PLEKHA7: variants seen among roughly 807,000 people sequenced by gnomAD.
PLEKHA7 encodes pleckstrin homology domain-containing family A member 7.
PLEKHA7 carries 104 observed loss-of-function variants against 170.0 expected under a neutral mutation model. The ratio of observed to expected loss-of-function variants is 0.61; its 90% confidence interval spans 0.52 to 0.72. The LOEUF is 0.72. PLEKHA7 is among the 30% of genes least tolerant of loss of function. PLEKHA7 has a pLI of 0.00. For missense variants in PLEKHA7, 1,615 were observed against 1,671.7 expected, an observed-to-expected ratio of 0.97 and a Z score of 0.59; for synonymous variants, 648 against 660.8, an observed-to-expected ratio of 0.98 and a Z score of 0.30.
At chr11:16,879,728 C>T (rs1264670958) in intron 3 of PLEKHA7, among the ~76,000 whole-genome samples, 1 of 152,226 alleles carries the variant, frequency 6.6e-6, no homozygotes, top group African/African-American at 2.4e-5. Context: ...AAAGCCCTCA[C>T]AACTTGCAAA....
Position 16,826,209 on chromosome 11 carries a change from G to A in PLEKHA7, c.1254C>T (p.Pro418=), listed in dbSNP as rs755928897. 2 of 1,614,198 alleles carry A rather than the reference G, an allele frequency of 1.2e-6. No homozygotes were observed. Among genetic ancestry groups the A allele is most frequent in the South Asian group, 1.1e-5 (1 of 91,072 alleles). Residue 418 remains proline (P), a synonymous_variant, in exon 10 of 27, where the codon CCC becomes CCT. Coordinates refer to ENST00000531066, the MANE Select transcript of PLEKHA7 (RefSeq NM_001329630.2). ...GGCTGTGTTTTTCAGGGTTGGTCCT[G>A]GGAGGAAAGGCCCGCTGGTACCCAC... ...GTGGYQRAFP[P]RTNPEKHSQR...
At chr11:16,998,256 C>T (rs1864457735) in intron 3 of PLEKHA7, among the ~76,000 whole-genome samples, 1 of 152,118 alleles carries the variant, frequency 6.6e-6, no homozygotes, top group Non-Finnish European at 1.5e-5. Flanking sequence ...CCCCTCAGCT[C>T]ACTAGCACCC....
At chr11:16,807,309 T>C (rs1412491984) in intron 13 of PLEKHA7, 2 of 517,932 alleles carry the variant, frequency 3.9e-6, no homozygotes, top group South Asian at 8.4e-5. Context: ...TTTGGGGAAC[T>C]GGCAAAGGGA....
chr11:16,929,354 T>A (rs1279226330), intron 3 of PLEKHA7, among the ~76,000 whole-genome samples: 1 of 152,370 alleles, frequency 6.6e-6, no homozygotes, highest in African/African-American at 2.4e-5. Flanking sequence ...GAAGCAGCCA[T>A]GACCATCAGC....
intron 3 of PLEKHA7, among the ~76,000 whole-genome samples, chr11:16,999,272 C>T (rs979286388): frequency 6.6e-6 from 1 of 151,850 alleles, no homozygotes; most frequent in African/African-American, 2.4e-5. Context: ...AGCTTAATTG[C>T]CTTCTGCTTG....
intron 3 of PLEKHA7, among the ~76,000 whole-genome samples, chr11:16,948,406 C>T (rs1477366081): frequency 6.6e-6 from 1 of 152,088 alleles, no homozygotes; most frequent in Non-Finnish European, 1.5e-5. Context: ...TCATGCTATA[C>T]ACAATAAATA....
Position 16,789,020 on chromosome 11 carries a change from G to T in PLEKHA7, c.3357+76C>A. On this transcript the variant is annotated intron_variant, in intron 23 of 26. Coordinates refer to ENST00000531066, the MANE Select transcript of PLEKHA7 (RefSeq NM_001329630.2). The surrounding 1 kb of genome is among the most constrained non-coding windows in gnomAD (Gnocchi z 4.6). The stretch of plus-strand genomic sequence containing the variant: ...CAGCTCTCTCACTGGGAGGTGTGAT[G>T]TGCTTGTGTTTGGGGGACTCTGAGG... 1 of 1,507,482 alleles carries T rather than the reference G, an allele frequency of 6.6e-7. No homozygotes were observed. Among genetic ancestry groups the T allele is most frequent in the Non-Finnish European group, 8.9e-7 (1 of 1,119,746 alleles). 93.4% of individuals were successfully genotyped at this position (1,507,482 alleles called of 1,614,324 possible). A position where few individuals can be genotyped will look rare whatever the true frequency, so the allele number is the denominator to read the frequency against.
chr11:16,841,854 A>C, intron 8 of PLEKHA7, 132 bp from the exon 9 acceptor site: 1 of 817,404 alleles, frequency 1.2e-6, no homozygotes, highest in Non-Finnish European at 1.9e-6. Flanking sequence ...TTCCACACCT[A>C]GAAAACATCA....
At chr11:16,938,474 T>C (rs1024014633) in intron 3 of PLEKHA7, among the ~76,000 whole-genome samples, 1 of 152,198 alleles carries the variant, frequency 6.6e-6, no homozygotes, top group African/African-American at 2.4e-5. Context: ...ATTCTCAATA[T>C]TCTAAGATAG....
intron 3 of PLEKHA7, among the ~76,000 whole-genome samples, chr11:16,890,336 T>TA (rs1856529022): frequency 6.6e-6 from 1 of 152,154 alleles, no homozygotes; most frequent in African/African-American, 2.4e-5. Flanking sequence ...TAAATACTCC[T>TA]AAAAGATACA....
chr11:17,007,411 C>T (rs1046227329), intron 3 of PLEKHA7, among the ~76,000 whole-genome samples: 1 of 152,010 alleles, frequency 6.6e-6, no homozygotes, highest in African/African-American at 2.4e-5. Context: ...CAACCTTCAC[C>T]TCCTGGGTTC....
chr11:16,882,939 T>C (rs1247590460), intron 3 of PLEKHA7, among the ~76,000 whole-genome samples: 1 of 152,154 alleles, frequency 6.6e-6, no homozygotes, highest in East Asian at 1.9e-4. Context: ...CTACTTGCTA[T>C]GTATCAACCT....
chr11:17,001,917 G>A (rs1037367398), intron 3 of PLEKHA7, among the ~76,000 whole-genome samples: 11 of 152,248 alleles, frequency 7.2e-5, no homozygotes, highest in African/African-American at 2.7e-4. Context: ...GAAACCCTGA[G>A]AAAATTGGCT....
Position 16,777,613 on chromosome 11 carries a change from AT to A in PLEKHA7, c.*1384del, listed in dbSNP as rs1232574984. ...TTGTTGTTTTTTCCATTTAAACGTCATTGTTTATATGCAGAATAATATAAGA... is the reference window on the plus strand; with the variant it reads ...TTGTTGTTTTTTCCATTTAAACGTCATGTTTATATGCAGAATAATATAAGA... On this transcript the variant is annotated 3_prime_UTR_variant, in exon 27 of 27. Transcript: ENST00000531066. 12 of 152,312 alleles carry A rather than the reference AT, an allele frequency of 7.9e-5. No homozygotes were observed. Among genetic ancestry groups the A allele is most frequent in the African/African-American group, 2.9e-4 (12 of 41,564 alleles). The allele number at this position is 152,312 out of a possible 1,614,324, so 9.4% of individuals were successfully genotyped here.
chr11:16,958,103 C>T (rs980385847), intron 3 of PLEKHA7, among the ~76,000 whole-genome samples: 9 of 151,996 alleles, frequency 5.9e-5, no homozygotes, highest in African/African-American at 2.2e-4. Context: ...ACTGCTTGAG[C>T]CCAGGAGTTC....
intron 9 of PLEKHA7, among the ~76,000 whole-genome samples, chr11:16,828,307 A>T (rs1200582591): frequency 6.6e-6 from 1 of 152,086 alleles, no homozygotes; most frequent in Non-Finnish European, 1.5e-5. Context: ...CGGTTTTAGA[A>T]GCGTCTTTTC....
chr11:16,783,726 C>T lies in PLEKHA7; in HGVS notation c.3624G>A (p.Lys1208=), dbSNP rs1167168117. ...ELQARYRKAE[K]IRNILARSSM... Reference sequence around the variant, plus strand: ...TTGACCGGGCGAGGATGTTGCGGATCTTCTCGGCTTTGCGGTACCGCGCCT... The same window carrying T: ...TTGACCGGGCGAGGATGTTGCGGATTTTCTCGGCTTTGCGGTACCGCGCCT... Residue 1208 remains lysine, a synonymous_variant, in exon 25 of 27, where the codon AAG becomes AAA. Transcript: ENST00000531066. 3.4e-6 allele frequency: 5 copies of T among 1,487,510 alleles called. No individual in the cohort carries two copies. The highest frequency in any genetic ancestry group is 1.4e-5 in the African/African-American group (1 of 70,568). 92.1% of individuals were successfully genotyped at this position (1,487,510 alleles called of 1,614,324 possible).
intron 3 of PLEKHA7, among the ~76,000 whole-genome samples, chr11:17,004,034 A>G (rs915318487): frequency 1.3e-5 from 2 of 152,232 alleles, no homozygotes; most frequent in Non-Finnish European, 2.9e-5. Context: ...AACAGGGGGA[A>G]CTCGCATTCC....
At chr11:16,932,875 G>A (rs1017303776) in intron 3 of PLEKHA7, among the ~76,000 whole-genome samples, 2 of 152,168 alleles carry the variant, frequency 1.3e-5, no homozygotes, top group African/African-American at 4.8e-5. Context: ...TTCCTGGGAA[G>A]GAAGAAGGAC....
Sources: allele counts gnomAD v4.1 joint callset (sites outside exome capture counted in the v4.1 genomes callset), GRCh38; gene constraint gnomAD v4.1.1; non-coding constraint Gnocchi (gnomAD v3.1); transcripts MANE v1.5; gene names NCBI Gene and HGNC (gene_info 2026-07-23, HGNC 2026-07-21).